Variants in ATP11A observed in about 807,000 individuals in gnomAD.
ATP11A encodes the protein ATPase phospholipid transporting 11A.
ATP11A carries 81 observed loss-of-function variants against 154.4 expected under a neutral mutation model. That is an observed-to-expected ratio of 0.52 (90% confidence interval 0.44 to 0.63). The LOEUF (loss-of-function observed/expected upper bound fraction) is 0.63. ATP11A is among the 30% of genes least tolerant of loss of function. The pLI, the probability that ATP11A is intolerant of heterozygous loss-of-function variation, is 0.00. For synonymous variants in ATP11A, 623 were observed against 585.9 expected, an observed-to-expected ratio of 1.06 and a Z score of -0.91; for missense variants, 1,316 against 1,474.3, an observed-to-expected ratio of 0.89 and a Z score of 1.76.
intron 1 of ATP11A, among the ~76,000 whole-genome samples, chr13:112,779,132 TGGAGTGAGTAGCC>T (rs1594658299): frequency 3.0e-5 from 3 of 99,800 alleles, no homozygotes; most frequent in East Asian, 3.0e-4. Flanking sequence ...GAGTAGCCGC[TGGAGTGAGTAGCC>T]GCTGGAGTGA....
At chr13:112,780,729 C>T (rs1395442190) in intron 1 of ATP11A, among the ~76,000 whole-genome samples, 1 of 152,146 alleles carries the variant, frequency 6.6e-6, no homozygotes, top group African/African-American at 2.4e-5. Context: ...GGGGACTTGC[C>T]ACGTGGCTTT....
rs113739799 is a variant in ATP11A at position 112,881,803 on chromosome 13, G to A, written c.*10-73G>A. 60 of 1,366,246 alleles carry A rather than the reference G, an allele frequency of 4.4e-5. 1 individual carries two copies. In the South Asian group the frequency reaches 5.2e-4, roughly 12 times the overall value. 84.6% of individuals were successfully genotyped at this position (1,366,246 alleles called of 1,614,324 possible). On this transcript the variant is annotated intron_variant, in intron 29 of 29. Transcript: ENST00000375645. ...ATCCCTGAGACTGACCATGTGTCTC[G>A]TTCTCTCAGCAGAATGGGTGCGCAC... is the stretch of plus-strand genomic sequence containing the variant.
intron 1 of ATP11A, among the ~76,000 whole-genome samples, chr13:112,705,344 G>A (rs1303962727): frequency 1.3e-5 from 2 of 151,292 alleles, no homozygotes; most frequent in African/African-American, 4.9e-5. Context: ...TGGGATTCTC[G>A]TAGGGGAGGG....
chr13:112,715,841 G>C (rs1328890626), intron 1 of ATP11A, among the ~76,000 whole-genome samples: 1 of 151,934 alleles, frequency 6.6e-6, no homozygotes, highest in African/African-American at 2.4e-5. Flanking sequence ...ACCTCTGGGG[G>C]CCGGGGAAGG....
At chr13:112,792,949 G>A (rs2077899439) in intron 2 of ATP11A, among the ~76,000 whole-genome samples, 1 of 152,098 alleles carries the variant, frequency 6.6e-6, no homozygotes, top group African/African-American at 2.4e-5. Flanking sequence ...TGGTAATTGG[G>A]GAGAAAAAAT....
intron 12 of ATP11A, among the ~76,000 whole-genome samples, chr13:112,827,950 A>G (rs894664102): frequency 6.6e-6 from 1 of 152,276 alleles, no homozygotes; most frequent in Non-Finnish European, 1.5e-5. Flanking sequence ...TTAGTTGTTC[A>G]ATAGTCAGGT....
At chr13:112,770,647 G>C (rs563100592) in intron 1 of ATP11A, among the ~76,000 whole-genome samples, 23 of 152,292 alleles carry the variant, frequency 1.5e-4, no homozygotes, top group Non-Finnish European at 2.4e-4. Context: ...GTCCACCTGC[G>C]GAGGGCCTGT....
chr13:112,761,250 T>A (rs1047800208), intron 1 of ATP11A, among the ~76,000 whole-genome samples: 1 of 152,176 alleles, frequency 6.6e-6, no homozygotes, highest in African/African-American at 2.4e-5. Flanking sequence ...CGGGTACACC[T>A]AAGAGAAGCC....
At chr13:112,823,123 C>T (rs2078843031) in intron 8 of ATP11A, among the ~76,000 whole-genome samples, 1 of 152,236 alleles carries the variant, frequency 6.6e-6, no homozygotes, top group Non-Finnish European at 1.5e-5. Flanking sequence ...CTTGCCGCTA[C>T]TCCTGGAGCC....
At chr13:112,781,424 A>AT (rs1295759678) in intron 1 of ATP11A, among the ~76,000 whole-genome samples, 5 of 152,150 alleles carry the variant, frequency 3.3e-5, no homozygotes, top group Non-Finnish European at 7.4e-5. Flanking sequence ...AAGTTACACG[A>AT]TTGAGGCTCC....
intron 1 of ATP11A, among the ~76,000 whole-genome samples, chr13:112,757,603 G>A (rs1376077242): frequency 3.9e-5 from 6 of 152,216 alleles, no homozygotes; most frequent in Non-Finnish European, 1.5e-5. Context: ...TGGACAGGAC[G>A]CCCACTCCTT....
At chr13:112,861,237 G>T (rs1286444577) in intron 24 of ATP11A, among the ~76,000 whole-genome samples, 2 of 152,168 alleles carry the variant, frequency 1.3e-5, no homozygotes, top group Non-Finnish European at 2.9e-5. Context: ...GATGCGTGGG[G>T]ATCATAGGTG....
chr13:112,726,039 TAAACGCA>T (rs1183366554), intron 1 of ATP11A, among the ~76,000 whole-genome samples: 2 of 152,388 alleles, frequency 1.3e-5, no homozygotes, highest in East Asian at 3.9e-4. Context: ...TCTGCTTCTG[TAAACGCA>T]GCTGGTGTCT....
At chr13:112,820,027 G>T (rs2078755433) in intron 8 of ATP11A, 77 bp downstream of exon 8, 3 of 1,398,156 alleles carry the variant, frequency 2.1e-6, no homozygotes, top group Non-Finnish European at 1.9e-6. Context: ...ACGGACAAGG[G>T]TTTCCACGGC....
At chr13:112,825,045 C>A (rs1170991507) in intron 10 of ATP11A, among the ~76,000 whole-genome samples, 2 of 152,058 alleles carry the variant, frequency 1.3e-5, no homozygotes, top group Admixed American at 6.5e-5. Flanking sequence ...TCCTTCCTTC[C>A]TCTACAGTGG....
In ATP11A at chr13:112,883,148, T is replaced by A. The variant is rs544027146; in HGVS notation, c.*1282T>A. On this transcript the variant is annotated 3_prime_UTR_variant, in exon 30 of 30. Coordinates refer to ENST00000375645, the MANE Select transcript of ATP11A (RefSeq NM_015205.3). ...CTCATCCCCACGTCCTCTCGTCCCC[T>A]TGTCCCGTCCCCACATACCCTCGTC... The A allele has an allele frequency of 8.3e-4, 325 of 393,888 alleles. 1 individual carries two copies. Among genetic ancestry groups the A allele is most frequent in the African/African-American group, 5.9e-3 (284 of 47,798 alleles). 24.4% of individuals were successfully genotyped at this position (393,888 alleles called of 1,614,324 possible).
chr13:112,735,649 C>T (rs1453768709), intron 1 of ATP11A, among the ~76,000 whole-genome samples: 2 of 152,174 alleles, frequency 1.3e-5, no homozygotes, highest in Non-Finnish European at 1.5e-5. Flanking sequence ...AACCTTCACT[C>T]GCGCAGATAA....
intron 16 of ATP11A, among the ~76,000 whole-genome samples, chr13:112,841,356 CTG>C (rs1443003158): frequency 1.3e-5 from 2 of 148,404 alleles, no homozygotes; most frequent in African/African-American, 2.5e-5. Flanking sequence ...AGAGGGGGCT[CTG>C]TGTGTCGGGA....
At chr13:112,810,841 CA>C (rs1191688091) in intron 5 of ATP11A, 115 bp downstream of exon 5, 2 of 879,480 alleles carry the variant, frequency 2.3e-6, no homozygotes, top group East Asian at 5.3e-5. Context: ...GAGGCTGAGG[CA>C]GGAGGATCGC....
Sources: allele counts gnomAD v4.1 joint callset (sites outside exome capture counted in the v4.1 genomes callset), GRCh38; gene constraint gnomAD v4.1.1; transcripts MANE v1.5; gene names NCBI Gene and HGNC (gene_info 2026-07-23, HGNC 2026-07-21).